Variants in NR1H4 observed in about 807,000 individuals in gnomAD.
The protein encoded by NR1H4 is nuclear receptor subfamily 1 group H member 4.
A neutral mutation model predicts 58.5 loss-of-function variants in NR1H4; 23 were observed. That is an observed-to-expected ratio of 0.39 (90% CI 0.28 to 0.56). The LOEUF is 0.56. Ranked by LOEUF, NR1H4 falls within the 20% of genes least tolerant of loss-of-function variation. The pLI is 0.58. For missense variants in NR1H4, 487 were observed against 576.9 expected, an observed-to-expected ratio of 0.84 and a Z score of 1.60; for synonymous variants, 214 against 198.0, an observed-to-expected ratio of 1.08 and a Z score of -0.68.
At chr12:100,548,032 T>G (rs1307765233) in intron 9 of NR1H4, among the ~76,000 whole-genome samples, 1 of 150,708 alleles carries the variant, frequency 6.6e-6, no homozygotes, top group Non-Finnish European at 1.5e-5. Context: ...GTTCCTCTTT[T>G]TATTATATTA....
intron 2 of NR1H4, among the ~76,000 whole-genome samples, 197 bp downstream of exon 2, chr12:100,492,834 G>A (rs1025780169): frequency 6.6e-6 from 1 of 152,042 alleles, no homozygotes; most frequent in Non-Finnish European, 1.5e-5. Flanking sequence ...AGTAGGAAGT[G>A]GCTTTAAATC....
At chr12:100,520,312 G>T (rs1954382268) in intron 4 of NR1H4, among the ~76,000 whole-genome samples, 1 of 152,080 alleles carries the variant, frequency 6.6e-6, no homozygotes, top group East Asian at 1.9e-4. Flanking sequence ...ATATTTACTG[G>T]TTAGAGTTCA....
intron 1 of NR1H4, among the ~76,000 whole-genome samples, chr12:100,481,581 C>A (rs1389198421): frequency 1.3e-5 from 2 of 151,762 alleles, no homozygotes; most frequent in Non-Finnish European, 2.9e-5. Context: ...CTAGACCAGC[C>A]TGGGCAACAT....
At chr12:100,545,199 A>G (rs1407511132) in intron 9 of NR1H4, among the ~76,000 whole-genome samples, 1 of 152,080 alleles carries the variant, frequency 6.6e-6, no homozygotes, top group Admixed American at 6.6e-5. Flanking sequence ...TGCCATTTCC[A>G]TGATGACCAC....
chr12:100,484,985 T>C (rs184742913), intron 1 of NR1H4, among the ~76,000 whole-genome samples: 1 of 152,336 alleles, frequency 6.6e-6, no homozygotes, highest in Admixed American at 6.5e-5. Flanking sequence ...ATAATTTCAT[T>C]CAATCTTTTT....
chr12:100,524,230 G>T (rs1954499436), intron 4 of NR1H4, among the ~76,000 whole-genome samples: 1 of 152,096 alleles, frequency 6.6e-6, no homozygotes, highest in East Asian at 1.9e-4. Context: ...CTACACTCAA[G>T]AAAAAAATGG....
chr12:100,512,524 C>T (rs1954146523), intron 4 of NR1H4, among the ~76,000 whole-genome samples: 1 of 151,828 alleles, frequency 6.6e-6, no homozygotes, highest in African/African-American at 2.4e-5. Flanking sequence ...GCCTGTAGTC[C>T]CAGCTACTCA....
At chr12:100,502,027 G>C (rs1566437362) in intron 3 of NR1H4, among the ~76,000 whole-genome samples, 1 of 152,148 alleles carries the variant, frequency 6.6e-6, no homozygotes, top group African/African-American at 2.4e-5. Context: ...AGCAACCCAA[G>C]GTACAACATG....
At chr12:100,560,984 A>T (rs901533699) in intron 9 of NR1H4, among the ~76,000 whole-genome samples, 1 of 151,464 alleles carries the variant, frequency 6.6e-6, no homozygotes. Context: ...AACGTGGGGG[A>T]GCTTAGTTCT....
At chr12:100,476,023 T>A (rs774251089) in intron 1 of NR1H4, among the ~76,000 whole-genome samples, 2 of 152,178 alleles carry the variant, frequency 1.3e-5, no homozygotes, top group African/African-American at 4.8e-5. Context: ...CGTGAGCCAC[T>A]GCGCCCAGCC....
At chr12:100,540,965 A>C (rs1367654170) in intron 9 of NR1H4, 147 bp downstream of exon 9, 3 of 805,146 alleles carry the variant, frequency 3.7e-6, no homozygotes, top group African/African-American at 3.4e-5. Flanking sequence ...ATATGTGTTA[A>C]ATTGATAAGA....
At chr12:100,550,172 A>G (rs1955172542) in intron 9 of NR1H4, among the ~76,000 whole-genome samples, 1 of 152,294 alleles carries the variant, frequency 6.6e-6, no homozygotes, top group South Asian at 2.1e-4. Flanking sequence ...TTTAGAACGT[A>G]TATCTGATAT....
At chr12:100,507,363 CTCCT>C (rs1367504163) in intron 3 of NR1H4, among the ~76,000 whole-genome samples, 1 of 151,834 alleles carries the variant, frequency 6.6e-6, no homozygotes, top group Non-Finnish European at 1.5e-5. Context: ...CCATATTTTT[CTCCT>C]TCCATTTTGC....
intron 9 of NR1H4, among the ~76,000 whole-genome samples, chr12:100,548,741 A>T (rs1955138844): frequency 6.6e-6 from 1 of 152,170 alleles, no homozygotes; most frequent in Admixed American, 6.5e-5. Context: ...CATAATCCTC[A>T]AGGACTTCAT....
intron 1 of NR1H4, among the ~76,000 whole-genome samples, chr12:100,479,751 T>C (rs75913576): frequency 0.036 from 5,456 of 152,346 alleles, 291 homozygotes; most frequent in African/African-American, 0.12. Flanking sequence ...TCAGACCTCA[T>C]TTCCTATAGC....
In NR1H4 at chr12:100,493,343, T is replaced by A; in HGVS notation, c.20T>A (p.Leu7His). 1 of 1,572,926 alleles carries A rather than the reference T, an allele frequency of 6.4e-7. No homozygotes were observed. Among genetic ancestry groups the A allele is most frequent in the South Asian group, 1.1e-5 (1 of 88,418 alleles). MGSKMNLIEHSHLPTTD... is the reference protein window; with the variant it reads MGSKMNHIEHSHLPTTD... Reference sequence around the variant, plus strand: ...ATTTGGATGGGATCAAAAATGAATCTCATTGAACATTCCCATTTACCTACC... The same window carrying A: ...ATTTGGATGGGATCAAAAATGAATCACATTGAACATTCCCATTTACCTACC... The change falls in exon 3 of 11, where the codon CTC (leucine) becomes CAC (histidine). Residue 7 changes from leucine (L) to histidine (H), a missense_variant. Coordinates refer to ENST00000392986, the MANE Select transcript of NR1H4 (RefSeq NM_001206979.2).
intron 5 of NR1H4, among the ~76,000 whole-genome samples, chr12:100,533,799 C>A (rs757410314): frequency 3.3e-4 from 50 of 152,124 alleles, no homozygotes; most frequent in Non-Finnish European, 5.7e-4. Flanking sequence ...CAAAGAAATT[C>A]CTGGAACTTT....
chr12:100,517,230 A>T (rs1458862619), intron 4 of NR1H4, among the ~76,000 whole-genome samples: 1 of 151,780 alleles, frequency 6.6e-6, no homozygotes, highest in Admixed American at 6.6e-5. Context: ...TCTACTCTCT[A>T]TTTCCATGAG....
At position 100,540,754 on chromosome 12, in the gene NR1H4, G is replaced by T. The variant is rs1472772643; in HGVS notation, c.1014G>T (p.Glu338Asp). The change falls in exon 9 of 11, where the codon GAG (glutamate) becomes GAT (aspartate). Residue 338 changes from glutamate (E) to aspartate (D), a missense_variant. By Grantham distance (45) the Glu-to-Asp change is conservative. Coordinates refer to ENST00000392986, the MANE Select transcript of NR1H4 (RefSeq NM_001206979.2). ...AVEAMFLRSA[E>D]IFNKKLPSGH... ...AAGCTATGTTCCTTCGTTCAGCTGA[G>T]ATTTTCAATAAGAAACTTCCGTCTG... The T allele has an allele frequency of 6.2e-7, 1 of 1,614,160 alleles. No homozygotes were observed. Among genetic ancestry groups the T allele is most frequent in the Non-Finnish European group, 8.5e-7 (1 of 1,180,012 alleles).
Sources: allele counts gnomAD v4.1 joint callset (sites outside exome capture counted in the v4.1 genomes callset), GRCh38; gene constraint gnomAD v4.1.1; transcripts MANE v1.5; gene names NCBI Gene and HGNC (gene_info 2026-07-23, HGNC 2026-07-21).